The following STPG2 variants were observed in gnomAD, a reference collection of about 807,000 sequenced individuals.
STPG2 encodes sperm-tail PG-rich repeat-containing protein 2.
In STPG2, 56 loss-of-function variants were observed where a neutral mutation model predicts 54.2. The ratio of observed to expected loss-of-function variants is 1.03; its 90% confidence interval spans 0.83 to 1.29. The LOEUF (loss-of-function observed/expected upper bound fraction) is 1.29. STPG2 is among the 50% of genes most tolerant of loss of function. The pLI is 0.00. For synonymous variants in STPG2, 200 were observed against 181.8 expected (o/e 1.10, Z -0.81); for missense variants, 596 against 544.9 (o/e 1.09, Z -0.93).
intron 9 of STPG2, among the ~76,000 whole-genome samples, chr4:97,773,998 T>TGTGG (rs1161677017): frequency 1.4e-5 from 2 of 139,234 alleles, no homozygotes; most frequent in African/African-American, 2.5e-5. Flanking sequence ...ATATAGGGTG[T>TGTGG]GTGTGTGTGT....
intron 4 of STPG2, among the ~76,000 whole-genome samples, chr4:97,468,762 G>A (rs1578322770): frequency 6.6e-6 from 1 of 151,944 alleles, no homozygotes; most frequent in Admixed American, 6.6e-5. Context: ...TTCTCCTTAG[G>A]CAGAGAAAAT....
intron 4 of STPG2, among the ~76,000 whole-genome samples, chr4:97,510,988 A>G (rs1262261606): frequency 6.6e-6 from 1 of 152,130 alleles, no homozygotes; most frequent in Non-Finnish European, 1.5e-5. Flanking sequence ...AATAGCTAAC[A>G]AAGGAGAAAA....
intron 5 of STPG2, among the ~76,000 whole-genome samples, chr4:98,021,425 T>A (rs1193455251): frequency 9.3e-5 from 14 of 150,936 alleles, no homozygotes; most frequent in Admixed American, 7.3e-4. Flanking sequence ...TGCTGAGGAG[T>A]GCTTTACTTC....
chr4:97,580,537 T>C, intron 10 of STPG2, among the ~76,000 whole-genome samples: 1 of 151,892 alleles, frequency 6.6e-6, no homozygotes, highest in Non-Finnish European at 1.5e-5. Flanking sequence ...TCTCTCTGTC[T>C]CTGTCTCTCT....
chr4:97,523,106 T>C (rs1462875889), intron 4 of STPG2, among the ~76,000 whole-genome samples: 1 of 151,954 alleles, frequency 6.6e-6, no homozygotes, highest in Non-Finnish European at 1.5e-5. Context: ...GCAAAGCATT[T>C]TCATCCACTG....
At chr4:97,561,324 T>C (rs1732234624) in intron 10 of STPG2, among the ~76,000 whole-genome samples, 1 of 152,196 alleles carries the variant, frequency 6.6e-6, no homozygotes, top group South Asian at 2.1e-4. Context: ...TTTGTTTGAG[T>C]TCATTGTAGA....
chr4:97,952,315 C>A (rs1733503170), intron 7 of STPG2, among the ~76,000 whole-genome samples: 2 of 152,092 alleles, frequency 1.3e-5, no homozygotes, highest in South Asian at 2.1e-4. Context: ...TTCATGAGCA[C>A]CAGAGCTGCC....
At chr4:97,534,532 C>CT (rs200659861) in intron 4 of STPG2, among the ~76,000 whole-genome samples, 11 of 151,444 alleles carry the variant, frequency 7.3e-5, no homozygotes, top group Non-Finnish European at 1.3e-4. Flanking sequence ...TTTGAAAAGA[C>CT]TTTTTTTTTC....
At chr4:97,572,992 G>T (rs1732638284) in intron 10 of STPG2, among the ~76,000 whole-genome samples, 1 of 152,080 alleles carries the variant, frequency 6.6e-6, no homozygotes, top group African/African-American at 2.4e-5. Context: ...TTTAACACTA[G>T]AAAAATCCTC....
chr4:98,115,024 G>T (rs992720012), intron 3 of STPG2, among the ~76,000 whole-genome samples: 33 of 151,918 alleles, frequency 2.2e-4, no homozygotes, highest in African/African-American at 8.0e-4. Flanking sequence ...AAAATCATTA[G>T]CAAATAAAAT....
chr4:98,063,749 T>C (rs1737737386), intron 5 of STPG2, among the ~76,000 whole-genome samples: 1 of 151,524 alleles, frequency 6.6e-6, no homozygotes, highest in Non-Finnish European at 1.5e-5. Flanking sequence ...AATAAAAAAA[T>C]GACAAGAAGC....
chr4:97,998,415 A>G (rs1735310567), intron 5 of STPG2, among the ~76,000 whole-genome samples: 1 of 152,158 alleles, frequency 6.6e-6, no homozygotes. Flanking sequence ...TTCCAGCCCC[A>G]GCACCAAATG....
intron 10 of STPG2, among the ~76,000 whole-genome samples, chr4:97,611,285 A>G (rs1229318687): frequency 1.3e-5 from 2 of 151,688 alleles, no homozygotes; most frequent in African/African-American, 4.8e-5. Context: ...GAAATTGCAA[A>G]TCTAGTATGT....
intron 4 of STPG2, among the ~76,000 whole-genome samples, chr4:97,550,837 G>A (rs1006903229): frequency 3.3e-5 from 5 of 152,108 alleles, no homozygotes; most frequent in African/African-American, 1.2e-4. Context: ...TAAAGGTGGT[G>A]CTTCCGGAGT....
At chr4:97,609,131 A>G (rs1733671096) in intron 10 of STPG2, among the ~76,000 whole-genome samples, 1 of 152,090 alleles carries the variant, frequency 6.6e-6, no homozygotes, top group African/African-American at 2.4e-5. Flanking sequence ...TAATACCTAA[A>G]AAACTTACAG....
intron 9 of STPG2, among the ~76,000 whole-genome samples, chr4:97,787,562 G>T (rs1407251507): frequency 6.6e-6 from 1 of 151,962 alleles, no homozygotes; most frequent in African/African-American, 2.4e-5. Flanking sequence ...GTTCGTGAGA[G>T]ATACTAATTT....
intron 5 of STPG2, among the ~76,000 whole-genome samples, chr4:98,099,475 G>A (rs188786249): frequency 1.1e-3 from 169 of 152,288 alleles, no homozygotes; most frequent in African/African-American, 3.9e-3. Context: ...GGGATGGCCA[G>A]GGGATGAGGC....
At chr4:97,907,989 A>T (rs1391658679) in intron 8 of STPG2, among the ~76,000 whole-genome samples, 1 of 152,228 alleles carries the variant, frequency 6.6e-6, no homozygotes, top group Non-Finnish European at 1.5e-5. Context: ...CACCAAAAGC[A>T]ATGGCAACAA....
intron 4 of STPG2, among the ~76,000 whole-genome samples, chr4:97,545,582 G>C (rs947919838): frequency 6.6e-6 from 1 of 152,092 alleles, no homozygotes. Context: ...AGAAAGCAAA[G>C]AGGTTAATTA....
Sources: allele counts gnomAD v4.1 joint callset (sites outside exome capture counted in the v4.1 genomes callset), GRCh38; gene constraint gnomAD v4.1.1; transcripts MANE v1.5; gene names NCBI Gene and HGNC (gene_info 2026-07-23, HGNC 2026-07-21).